Variants in FILIP1 observed in about 807,000 individuals in gnomAD.
FILIP1 encodes filamin-A-interacting protein 1.
A neutral mutation model predicts 102.1 loss-of-function variants in FILIP1; 61 were observed. The observed-to-expected ratio is 0.60, with a 90% CI of 0.49 to 0.74. The LOEUF (loss-of-function observed/expected upper bound fraction) is 0.74. FILIP1 is among the 30% of genes least tolerant of loss of function. The pLI is 0.00. For missense variants in FILIP1, 1,314 were observed against 1,441.2 expected (o/e 0.91, Z 1.43); for synonymous variants, 491 against 526.9 (o/e 0.93, Z 0.93).
intron 1 of FILIP1, among the ~76,000 whole-genome samples, chr6:75,461,929 C>A (rs1450012529): frequency 6.6e-6 from 1 of 152,130 alleles, no homozygotes; most frequent in Non-Finnish European, 1.5e-5. Flanking sequence ...AACTTTCAAG[C>A]AAGGACAGGT....
chr6:75,314,192 A>G lies in FILIP1; in HGVS notation c.1640T>C (p.Leu547Pro). 1 of 1,553,554 alleles carries G rather than the reference A, an allele frequency of 6.4e-7. No homozygotes were observed. The highest frequency in any genetic ancestry group is 8.6e-7 in the Non-Finnish European group (1 of 1,161,438). The change falls in exon 5 of 6, where the codon CTA (leucine) becomes CCA (proline). Residue 547 changes from leucine (L) to proline (P), a missense_variant. Physicochemically the swap from Leu to Pro is moderately conservative, Grantham distance 98 (BLOSUM62 -3). This residue lies in a region of FILIP1 where 816 missense variants were observed against 913.1 expected (regional missense o/e 0.89). Transcript: ENST00000237172. ...TAAAAGTTTCTTACTTTCTTCAATTAGTTTTTCAGTTACATCCATAACTTT... is the reference window on the plus strand; with the variant it reads ...TAAAAGTTTCTTACTTTCTTCAATTGGTTTTTCAGTTACATCCATAACTTT... ...QGKVMDVTEK[L>P]IEESKKLLKL...
chr6:75,303,475 G>C (rs886360473), downstream of FILIP1, among the ~76,000 whole-genome samples: 2 of 152,168 alleles, frequency 1.3e-5, no homozygotes, highest in African/African-American at 4.8e-5. Context: ...AAGCAGATTA[G>C]ATATCTTGGT....
chr6:75,411,850 G>A (rs1436601568), intron 2 of FILIP1, among the ~76,000 whole-genome samples: 1 of 152,142 alleles, frequency 6.6e-6, no homozygotes, highest in African/African-American at 2.4e-5. Flanking sequence ...CAGGTAGCAT[G>A]ATGCCTCCAG....
At chr6:75,422,824 A>G (rs537366901) in intron 1 of FILIP1, among the ~76,000 whole-genome samples, 1 of 152,262 alleles carries the variant, frequency 6.6e-6, no homozygotes, top group African/African-American at 2.4e-5. Context: ...CATCATTTTA[A>G]TGTACATTTC....
intron 4 of FILIP1, among the ~76,000 whole-genome samples, chr6:75,320,995 G>A (rs543293580): frequency 9.2e-5 from 14 of 152,222 alleles, no homozygotes; most frequent in South Asian, 2.1e-4. Flanking sequence ...TTCTCTCATA[G>A]GTTTTTGTGT....
intron 1 of FILIP1, among the ~76,000 whole-genome samples, chr6:75,491,642 C>CAAA (rs1779961172): frequency 6.6e-6 from 1 of 152,046 alleles, no homozygotes; most frequent in Non-Finnish European, 1.5e-5. Context: ...GGGACAGTTC[C>CAAA]AAAATGTCAC....
intron 1 of FILIP1, among the ~76,000 whole-genome samples, chr6:75,457,998 A>C (rs1453225978): frequency 1.3e-5 from 2 of 152,224 alleles, no homozygotes; most frequent in Non-Finnish European, 2.9e-5. Context: ...CAATAAGGCT[A>C]CCAGATTTAG....
chr6:75,401,110 G>T (rs1776642219), intron 2 of FILIP1, among the ~76,000 whole-genome samples: 1 of 151,966 alleles, frequency 6.6e-6, no homozygotes, highest in Non-Finnish European at 1.5e-5. Context: ...CTTGTCAAAA[G>T]TGAAGTTTAC....
chr6:75,483,210 A>G (rs539378705), intron 1 of FILIP1, among the ~76,000 whole-genome samples: 1 of 152,350 alleles, frequency 6.6e-6, no homozygotes, highest in East Asian at 1.9e-4. Flanking sequence ...AAAAATGTAG[A>G]TTTTAAAAGT....
intron 1 of FILIP1, among the ~76,000 whole-genome samples, chr6:75,435,259 T>C (rs1020658456): frequency 2.6e-5 from 4 of 152,226 alleles, no homozygotes; most frequent in African/African-American, 9.6e-5. Context: ...TACTCTGTAT[T>C]CTGGCTGTTG....
chr6:75,365,704 C>CT (rs971803839), intron 2 of FILIP1, among the ~76,000 whole-genome samples: 78 of 145,462 alleles, frequency 5.4e-4, no homozygotes, highest in South Asian at 1.1e-3. Context: ...TGTTTTTAAC[C>CT]TTTTTTTTTT....
chr6:75,447,753 C>T (rs969408567), intron 1 of FILIP1, among the ~76,000 whole-genome samples: 2 of 152,104 alleles, frequency 1.3e-5, no homozygotes, highest in Admixed American at 6.5e-5. Flanking sequence ...TCAGTGTGCC[C>T]TTAGCTAAAT....
chr6:75,377,756 T>G (rs1367280365), intron 2 of FILIP1, among the ~76,000 whole-genome samples: 1 of 152,244 alleles, frequency 6.6e-6, no homozygotes, highest in Non-Finnish European at 1.5e-5. Context: ...CTTCTTCTTT[T>G]CAAAGCAAAG....
At chr6:75,331,474 T>C (rs939592970) in intron 4 of FILIP1, among the ~76,000 whole-genome samples, 1 of 152,172 alleles carries the variant, frequency 6.6e-6, no homozygotes, top group African/African-American at 2.4e-5. Flanking sequence ...GTCAGTGTAT[T>C]AGGGGATAGG....
intron 2 of FILIP1, among the ~76,000 whole-genome samples, chr6:75,394,510 G>A (rs1053850790): frequency 6.6e-5 from 10 of 151,912 alleles, no homozygotes; most frequent in African/African-American, 2.4e-4. Context: ...TAATGAGATA[G>A]GAAAAAATAT....
At chr6:75,453,343 G>A (rs1778702359) in intron 1 of FILIP1, among the ~76,000 whole-genome samples, 1 of 152,210 alleles carries the variant, frequency 6.6e-6, no homozygotes, top group Admixed American at 6.5e-5. Context: ...TATTTTGGAA[G>A]TTAATTGAGA....
chr6:75,484,490 C>G (rs906307717), intron 1 of FILIP1, among the ~76,000 whole-genome samples: 1 of 151,912 alleles, frequency 6.6e-6, no homozygotes, highest in African/African-American at 2.4e-5. Flanking sequence ...AAAATGATTG[C>G]GATAACAGGT....
chr6:75,345,864 T>A (rs1160769424), intron 4 of FILIP1, among the ~76,000 whole-genome samples: 1 of 152,106 alleles, frequency 6.6e-6, no homozygotes, highest in East Asian at 1.9e-4. Flanking sequence ...GAACCCCGGG[T>A]ATTTACCCCA....
chr6:75,312,432 C>A lies in FILIP1; in HGVS notation c.3400G>T (p.Val1134Phe), dbSNP rs775970649. 1.1e-5 allele frequency: 18 copies of A among 1,614,032 alleles called. No individual in the cohort carries two copies. The South Asian group carries it at 2.0e-4, about 18-fold the overall frequency. ...KVTSTITITP[V>F]TTSSARGTQS... ...GTTCCTCGAGCAGATGACGTTGTGA[C>A]CGGTGTTATGGTGATAGTGCTCGTC... The change falls in exon 5 of 6, where the codon GTC (valine) becomes TTC (phenylalanine). Residue 1134 changes from valine to phenylalanine, a missense_variant. Around this residue, in one of 3 missense-constraint regions of FILIP1, gnomAD observed 816 missense variants for 913.1 expected, o/e 0.89. Coordinates refer to ENST00000237172, the MANE Select transcript of FILIP1 (RefSeq NM_015687.5).
Sources: gnomAD v4.1 joint callset for allele counts (sites outside exome capture counted in the v4.1 genomes callset) on GRCh38, gnomAD v4.1.1 for gene constraint, gnomAD v4.1.1 regional missense constraint, MANE v1.5 for transcripts, NCBI Gene and HGNC (gene_info 2026-07-23, HGNC 2026-07-21) for gene names.